Variants in PLXDC2 observed in about 807,000 individuals in gnomAD.
PLXDC2 encodes the protein plexin domain containing 2.
Under a neutral mutation model 68.9 loss-of-function variants are expected in PLXDC2, and 40 were observed. The ratio of observed to expected loss-of-function variants is 0.58; its 90% CI spans 0.45 to 0.76. PLXDC2 has a LOEUF of 0.76. Among genes scored for constraint, PLXDC2 ranks in the 30% least tolerant of loss-of-function variants. The pLI, the probability that PLXDC2 is intolerant of heterozygous loss-of-function variation, is 0.00. For synonymous variants in PLXDC2, 243 were observed against 234.2 expected (o/e 1.04, Z -0.34); for missense variants, 644 against 661.9 (o/e 0.97, Z 0.30).
chr10:20,188,178 G>C (rs1034614784), intron 9 of PLXDC2, among the ~76,000 whole-genome samples: 1 of 151,344 alleles, frequency 6.6e-6, no homozygotes, highest in African/African-American at 2.4e-5. Context: ...AAAGTTAATT[G>C]CCCAAAAATA....
At chr10:19,834,917 A>G (rs1025433536) in intron 1 of PLXDC2, among the ~76,000 whole-genome samples, 8 of 152,158 alleles carry the variant, frequency 5.3e-5, no homozygotes, top group Non-Finnish European at 8.8e-5. Context: ...TGCATTCACT[A>G]TGGCATTGAG....
chr10:20,081,763 G>A (rs983470380), intron 4 of PLXDC2, among the ~76,000 whole-genome samples: 3 of 151,274 alleles, frequency 2.0e-5, no homozygotes, highest in African/African-American at 4.9e-5. Flanking sequence ...AAGTCTGGCC[G>A]GGCACAGTGG....
intron 2 of PLXDC2, among the ~76,000 whole-genome samples, chr10:20,023,775 A>AT (rs771141258): frequency 4.8e-4 from 21 of 43,940 alleles, no homozygotes; most frequent in African/African-American, 8.2e-4. Context: ...AAAATGTTTT[A>AT]TTAAAAAAAC....
At chr10:19,896,653 C>T (rs1838063224) in intron 1 of PLXDC2, among the ~76,000 whole-genome samples, 1 of 152,100 alleles carries the variant, frequency 6.6e-6, no homozygotes, top group Non-Finnish European at 1.5e-5. Context: ...GGCAGTTCTG[C>T]ACAATGGTGG....
intron 4 of PLXDC2, among the ~76,000 whole-genome samples, chr10:20,087,156 T>G (rs982657976): frequency 1.3e-5 from 2 of 152,220 alleles, no homozygotes; most frequent in Non-Finnish European, 2.9e-5. Context: ...CTGTCTTTCC[T>G]ACAGGAGTCA....
chr10:19,957,256 A>G (rs1834085214), intron 1 of PLXDC2, among the ~76,000 whole-genome samples: 1 of 152,152 alleles, frequency 6.6e-6, no homozygotes, highest in Admixed American at 6.5e-5. Context: ...TCACATTTTA[A>G]GAAGGATATT....
rs77768537 is a variant in PLXDC2 at position 19,830,189 on chromosome 10, A to G, written c.112+12998A>G. Among the ~76,000 whole-genome samples the G allele has an allele frequency of 2.5e-3, 374 of 152,210 alleles. 10 individuals carry two copies. In the East Asian group the frequency reaches 0.053, roughly 22 times the overall value. On this transcript the variant is annotated intron_variant, in intron 1 of 13. Transcript: ENST00000377252. Reference sequence around the variant, plus strand: ...CTCAAGGCAAAGGAGTCCAACTGGGAAACACCCCCTGGGAAATAGATATTT... The same window carrying G: ...CTCAAGGCAAAGGAGTCCAACTGGGGAACACCCCCTGGGAAATAGATATTT...
intron 3 of PLXDC2, among the ~76,000 whole-genome samples, chr10:20,050,282 C>A (rs1234080173): frequency 3.9e-5 from 6 of 152,190 alleles, no homozygotes; most frequent in Admixed American, 3.9e-4. Flanking sequence ...TAGGCAATAC[C>A]ATTCTGGACA....
intron 1 of PLXDC2, among the ~76,000 whole-genome samples, chr10:19,897,670 T>C (rs1418035597): frequency 5.9e-5 from 9 of 152,202 alleles, no homozygotes; most frequent in African/African-American, 1.9e-4. Flanking sequence ...ATATGGTTTT[T>C]TTAAATGAAC....
intron 4 of PLXDC2, among the ~76,000 whole-genome samples, chr10:20,080,737 G>A (rs938138346): frequency 6.6e-6 from 1 of 152,116 alleles, no homozygotes; most frequent in African/African-American, 2.4e-5. Flanking sequence ...GACACAGCCA[G>A]GAACAATACT....
chr10:20,120,780 TGAG>T (rs1332489583), intron 4 of PLXDC2, among the ~76,000 whole-genome samples: 1 of 152,128 alleles, frequency 6.6e-6, no homozygotes, highest in Non-Finnish European at 1.5e-5. Flanking sequence ...GATGGAACAC[TGAG>T]AAGTTATTTC....
chr10:19,878,652 T>G (rs933222342), intron 1 of PLXDC2, among the ~76,000 whole-genome samples: 6 of 152,242 alleles, frequency 3.9e-5, no homozygotes, highest in African/African-American at 1.4e-4. Context: ...CCCCGACAGT[T>G]AATTGAAGCT....
chr10:20,025,027 A>T (rs745871097), intron 2 of PLXDC2, among the ~76,000 whole-genome samples: 8 of 152,174 alleles, frequency 5.3e-5, no homozygotes, highest in Non-Finnish European at 1.2e-4. Flanking sequence ...TGCAATGAAC[A>T]TACAAGTGCA....
At chr10:19,994,701 C>T (rs558592947) in intron 1 of PLXDC2, among the ~76,000 whole-genome samples, 6 of 151,360 alleles carry the variant, frequency 4.0e-5, no homozygotes, top group East Asian at 2.0e-4. Context: ...TTTAAGACAC[C>T]GTCTCAGATG....
At chr10:19,963,779 A>G (rs1834200419) in intron 1 of PLXDC2, among the ~76,000 whole-genome samples, 2 of 152,094 alleles carry the variant, frequency 1.3e-5, no homozygotes, top group African/African-American at 2.4e-5. Flanking sequence ...TGGCACATGT[A>G]TACATATGTA....
intron 2 of PLXDC2, among the ~76,000 whole-genome samples, chr10:20,029,435 TCTTCTTATATTGGAC>T (rs1404710637): frequency 6.6e-6 from 1 of 152,202 alleles, no homozygotes; most frequent in African/African-American, 2.4e-5. Context: ...TTTGACGGCA[TCTTCTTATATTGGAC>T]TATAGTCTCT....
At chr10:19,895,018 G>C (rs1838033613) in intron 1 of PLXDC2, among the ~76,000 whole-genome samples, 1 of 152,120 alleles carries the variant, frequency 6.6e-6, no homozygotes, top group Non-Finnish European at 1.5e-5. Flanking sequence ...TAAAGTCTTG[G>C]AACCAACCCA....
chr10:19,930,096 T>C (rs1267376261), intron 1 of PLXDC2, among the ~76,000 whole-genome samples: 2 of 152,224 alleles, frequency 1.3e-5, no homozygotes. Context: ...TCTTTTTTTC[T>C]GTTTTCAGAT....
At chr10:20,103,140 A>G (rs1405057736) in intron 4 of PLXDC2, among the ~76,000 whole-genome samples, 1 of 152,230 alleles carries the variant, frequency 6.6e-6, no homozygotes, top group African/African-American at 2.4e-5. Context: ...ATCAGGGACC[A>G]CAGTGCTAAG....
Sources: gnomAD v4.1 joint callset for allele counts (sites outside exome capture counted in the v4.1 genomes callset) on GRCh38, gnomAD v4.1.1 for gene constraint, MANE v1.5 for transcripts, NCBI Gene and HGNC (gene_info 2026-07-23, HGNC 2026-07-21) for gene names.